Variants in TENM3 observed in about 807,000 individuals in gnomAD.
The protein encoded by TENM3 is teneurin transmembrane protein 3, also known as teneurin-3.
TENM3 carries 63 observed loss-of-function variants against 255.1 expected under a neutral mutation model. That is an observed-to-expected ratio of 0.25 (90% confidence interval 0.20 to 0.30). The LOEUF (loss-of-function observed/expected upper bound fraction) is 0.30. TENM3 is among the 10% of genes least tolerant of loss of function. The pLI is 1.00. For synonymous variants in TENM3, 1,306 were observed against 1,322.3 expected, an observed-to-expected ratio of 0.99 and a Z score of 0.27; for missense variants, 2,929 against 3,461.1, an observed-to-expected ratio of 0.85 and a Z score of 3.86.
At chr4:181,862,179 A>G in the TENM3 span, among the ~76,000 whole-genome samples, 1 of 152,094 alleles carries the variant, frequency 6.6e-6, no homozygotes, top group Non-Finnish European at 1.5e-5. Flanking sequence ...AATTAAGCTT[A>G]AAAAGGAGCA....
intron 6 of TENM3, among the ~76,000 whole-genome samples, chr4:182,661,578 G>A (rs1754233855): frequency 6.6e-6 from 1 of 152,256 alleles, no homozygotes; most frequent in Non-Finnish European, 1.5e-5. Flanking sequence ...TTGCAAAGTA[G>A]TTATGTCTTA....
At chr4:181,627,749 G>A in the TENM3 span, among the ~76,000 whole-genome samples, 1 of 152,106 alleles carries the variant, frequency 6.6e-6, no homozygotes, top group Non-Finnish European at 1.5e-5. Flanking sequence ...TGGACATTTG[G>A]GTTGGTTCCA....
At chr4:181,753,989 A>T in the TENM3 span, among the ~76,000 whole-genome samples, 1 of 152,130 alleles carries the variant, frequency 6.6e-6, no homozygotes, top group Non-Finnish European at 1.5e-5. Context: ...AAGTAAAATG[A>T]TGTGGGGAAA....
intron 1 of TENM3, among the ~76,000 whole-genome samples, chr4:182,170,299 A>G (rs991471780): frequency 1.3e-5 from 2 of 152,114 alleles, no homozygotes; most frequent in African/African-American, 4.8e-5. Flanking sequence ...ATTGCATTTC[A>G]TACTTTCTTC....
chr4:181,877,427 T>G, the TENM3 span, among the ~76,000 whole-genome samples: 1 of 152,198 alleles, frequency 6.6e-6, no homozygotes, highest in African/African-American at 2.4e-5. Context: ...TTCATGCTAA[T>G]TGAAAAATTA....
At chr4:182,194,308 G>C (rs922268126) in intron 1 of TENM3, among the ~76,000 whole-genome samples, 20 of 152,124 alleles carry the variant, frequency 1.3e-4, no homozygotes, top group African/African-American at 4.8e-4. Context: ...GCTGAGTACC[G>C]CTGAAAATCA....
In TENM3 at chr4:182,371,265, T is replaced by A. The variant is rs187740153; in HGVS notation, c.511+24336T>A. Among the ~76,000 whole-genome samples the A allele has an allele frequency of 1.4e-3, 150 of 104,634 alleles. No individual in the cohort carries two copies. In the East Asian group the frequency reaches 0.04, roughly 28 times the overall value. The allele number at this position is 104,634 out of a possible 152,430, so 68.6% of individuals were successfully genotyped here. On this transcript the variant is annotated intron_variant, in intron 3 of 27. Transcript: ENST00000511685. ...CACACACACACACACACACACAGAC[T>A]TTCTTATGTTTTAATGCACTGTTGA... is the stretch of plus-strand genomic sequence containing the variant.
chr4:181,931,460 G>A, the TENM3 span, among the ~76,000 whole-genome samples: 1 of 152,138 alleles, frequency 6.6e-6, no homozygotes, highest in Non-Finnish European at 1.5e-5. Context: ...ACTTACAAGG[G>A]ATGTGAAGCA....
chr4:182,415,096 C>G (rs989469297), intron 3 of TENM3, among the ~76,000 whole-genome samples: 3 of 152,296 alleles, frequency 2.0e-5, no homozygotes, highest in Non-Finnish European at 4.4e-5. Flanking sequence ...TCTTAATGCC[C>G]ATTAAGTCTA....
intron 1 of TENM3, among the ~76,000 whole-genome samples, chr4:182,299,670 TCAAGGTGTTATTATCC>T (rs1424772488): frequency 6.6e-6 from 1 of 152,000 alleles, no homozygotes; most frequent in Non-Finnish European, 1.5e-5. Context: ...TTCCAGAAAG[TCAAGGTGTTATTATCC>T]CCCATTGTAG....
At chr4:182,240,345 C>T (rs549773473), upstream of TENM3, among the ~76,000 whole-genome samples, 17 of 152,190 alleles carry the variant, frequency 1.1e-4, no homozygotes, top group African/African-American at 1.2e-4. Context: ...CACGTTCCTA[C>T]GAGAGACACA....
At chr4:181,723,268 T>G in the TENM3 span, among the ~76,000 whole-genome samples, 1 of 151,124 alleles carries the variant, frequency 6.6e-6, no homozygotes, top group Non-Finnish European at 1.5e-5. Context: ...ACAGACTGAC[T>G]GTCTACTGCA....
intron 3 of TENM3, among the ~76,000 whole-genome samples, chr4:182,354,700 G>A (rs1401906534): frequency 6.6e-6 from 1 of 152,136 alleles, no homozygotes; most frequent in Non-Finnish European, 1.5e-5. Flanking sequence ...CAGTTGACGA[G>A]ATCGTTTTCC....
At chr4:181,686,914 C>T in the TENM3 span, among the ~76,000 whole-genome samples, 1 of 152,040 alleles carries the variant, frequency 6.6e-6, no homozygotes, top group African/African-American at 2.4e-5. Context: ...CCTTTTTCTT[C>T]CCCTCTTTTA....
intron 12 of TENM3, among the ~76,000 whole-genome samples, chr4:182,695,037 T>C (rs1240935845): frequency 6.6e-6 from 1 of 152,226 alleles, no homozygotes; most frequent in Non-Finnish European, 1.5e-5. Flanking sequence ...TTGAGCATCA[T>C]ATCCAAAATA....
the TENM3 span, among the ~76,000 whole-genome samples, chr4:181,843,408 C>A: frequency 6.6e-6 from 1 of 152,068 alleles, no homozygotes; most frequent in African/African-American, 2.4e-5. Context: ...CCAAGGTAGC[C>A]CCTGATATAT....
intron 3 of TENM3, among the ~76,000 whole-genome samples, chr4:182,590,538 CAAAAAAAAAAAAAAA>C (rs34681777): frequency 1.3e-5 from 1 of 79,962 alleles, no homozygotes; most frequent in African/African-American, 5.1e-5. Context: ...GACCCTGTCT[CAAAAAAAAAAAAAAA>C]AAAAAAAAGA....
At chr4:182,057,914 T>C in the TENM3 span, among the ~76,000 whole-genome samples, 6 of 151,880 alleles carry the variant, frequency 4.0e-5, no homozygotes, top group African/African-American at 1.5e-4. Flanking sequence ...AGGCCTCAAG[T>C]GTTGAGGGAT....
At chr4:182,307,084 G>C (rs182849631) in intron 1 of TENM3, among the ~76,000 whole-genome samples, 1 of 152,292 alleles carries the variant, frequency 6.6e-6, no homozygotes, top group East Asian at 1.9e-4. Flanking sequence ...TGGAAATCTT[G>C]ATATGATACG....
Sources: allele counts gnomAD v4.1 joint callset (sites outside exome capture counted in the v4.1 genomes callset), GRCh38; gene constraint gnomAD v4.1.1; transcripts MANE v1.5; gene names NCBI Gene and HGNC (gene_info 2026-07-23, HGNC 2026-07-21).